The following GNA11 variants were observed in gnomAD, a reference collection of about 807,000 sequenced individuals.
The protein encoded by GNA11 is guanine nucleotide-binding protein subunit alpha-11.
A neutral mutation model predicts 38.2 loss-of-function variants in GNA11; 8 were observed. That is an observed-to-expected ratio of 0.21 (90% CI 0.12 to 0.38). GNA11 has a LOEUF of 0.38. Ranked by LOEUF, GNA11 falls within the 10% of genes least tolerant of loss-of-function variation. GNA11 has a pLI of 1.00. For missense variants in GNA11, 268 were observed against 516.3 expected (o/e 0.52, Z 4.66); for synonymous variants, 211 against 221.4 (o/e 0.95, Z 0.42).
intron 1 of GNA11, among the ~76,000 whole-genome samples, chr19:3,101,744 G>A (rs181419309): frequency 3.9e-5 from 6 of 152,320 alleles, no homozygotes; most frequent in East Asian, 1.9e-4. Context: ...CCAGGCTGTC[G>A]GGGGGCTTCA....
chr19:3,095,160 T>C (rs936312119), intron 1 of GNA11, among the ~76,000 whole-genome samples: 2 of 152,078 alleles, frequency 1.3e-5, no homozygotes. Context: ...GCCCCTGCCT[T>C]AACTGTTCAT....
In GNA11 at chr19:3,098,294, GCGC is replaced by G. The variant is rs1236261929; in HGVS notation, c.136+3515_136+3517del. 9.8e-5 allele frequency among the ~76,000 whole-genome samples: 15 copies of G among 152,342 alleles called. No homozygotes were observed. The East Asian group carries it at 2.9e-3, about 29-fold the overall frequency. On this transcript the variant is annotated intron_variant, in intron 1 of 6. Coordinates refer to ENST00000078429, the MANE Select transcript of GNA11 (RefSeq NM_002067.5). The stretch of plus-strand genomic sequence containing the variant: ...GCACACGCTGCTCCCGCCTCCGTCC[GCGC>G]CGCCGCCATCCTGGGGTCCGCCCTG...
rs959709172 is a variant in GNA11, at chr19:3,123,367, G to A, written c.*2188G>A. ...GCCTGATCCCCTGCCCCCCAAAAAA[G>A]CAGAGGTAGGTGTTGCAGGCCCAGG... On this transcript the variant is annotated 3_prime_UTR_variant, in exon 7 of 7. Transcript: ENST00000078429. 73 of 233,482 alleles carry A rather than the reference G, an allele frequency of 3.1e-4. 1 individual carries two copies. Among genetic ancestry groups the A allele is most frequent in the African/African-American group, 1.5e-3 (66 of 45,476 alleles). 14.5% of individuals were successfully genotyped at this position (233,482 alleles called of 1,614,324 possible). A position where few individuals can be genotyped will look rare whatever the true frequency, so the allele number is the denominator to read the frequency against.
intron 1 of GNA11, among the ~76,000 whole-genome samples, chr19:3,105,852 C>T (rs548174204): frequency 5.3e-5 from 8 of 152,160 alleles, no homozygotes; most frequent in East Asian, 1.9e-4. Flanking sequence ...GCTTGGTGTG[C>T]GGTGAGGAGT....
rs766787225 is a variant in GNA11, at chr19:3,114,932, G to A, written c.477-12G>A. On this transcript the variant is annotated splice_polypyrimidine_tract_variant and intron_variant, in intron 3 of 6. Coordinates refer to ENST00000078429, the MANE Select transcript of GNA11 (RefSeq NM_002067.5). ...CCGGCAGCCGGCCTGAGCACCCACC[G>A]CTGTGTTGCAGCTACCTGACCGACG... The A allele has an allele frequency of 2.6e-5, 41 of 1,595,608 alleles. No homozygotes were observed. Among genetic ancestry groups the A allele is most frequent in the Non-Finnish European group, 3.3e-5 (39 of 1,171,572 alleles).
chr19:3,107,319 G>A (rs760233677), intron 1 of GNA11, among the ~76,000 whole-genome samples: 10 of 152,104 alleles, frequency 6.6e-5, no homozygotes, highest in African/African-American at 2.4e-4. Context: ...ACTCCTTCTC[G>A]GCCGTCTTGG....
rs1913567870 is a variant in GNA11, at chr19:3,103,804, GC to G, written c.137-6343del. ...CCACAAGCTCCGCCTCCTGATTCACGCCATTCTCCTGCCTCAGCTTTCAGGC... is the reference window on the plus strand; with the variant it reads ...CCACAAGCTCCGCCTCCTGATTCACGCATTCTCCTGCCTCAGCTTTCAGGC... On this transcript the variant is annotated intron_variant, in intron 1 of 6. Coordinates refer to ENST00000078429, the MANE Select transcript of GNA11 (RefSeq NM_002067.5). 2.6e-5 allele frequency among the ~76,000 whole-genome samples: 4 copies of G among 151,466 alleles called. No homozygotes were observed. In the South Asian group the frequency reaches 8.3e-4, roughly 31 times the overall value.
intron 2 of GNA11, among the ~76,000 whole-genome samples, chr19:3,112,678 C>T (rs1044643733): frequency 2.6e-5 from 4 of 152,246 alleles, no homozygotes; most frequent in Admixed American, 6.5e-5. Flanking sequence ...GAGGGGGAGG[C>T]GGCTCGTGTT....
intron 1 of GNA11, among the ~76,000 whole-genome samples, chr19:3,106,071 C>T (rs1269663503): frequency 6.6e-6 from 1 of 152,134 alleles, no homozygotes; most frequent in East Asian, 1.9e-4. Flanking sequence ...AGATGTCTTT[C>T]AGGTGGAGTG....
At position 3,120,572 on chromosome 19, in the gene GNA11, GGTGGGGGCC is replaced by G. The variant is rs1914044577; in HGVS notation, c.890-416_890-408del. 6.6e-6 allele frequency among the ~76,000 whole-genome samples: 1 copy of G among 152,166 alleles called. No homozygotes were observed. The highest frequency in any genetic ancestry group is 2.4e-5 in the African/African-American group (1 of 41,436). On this transcript the variant is annotated intron_variant, in intron 6 of 6. Coordinates refer to ENST00000078429, the MANE Select transcript of GNA11 (RefSeq NM_002067.5). The surrounding 1 kb of genome is among the most constrained non-coding windows in gnomAD (Gnocchi z 5.9). The stretch of plus-strand genomic sequence containing the variant: ...GGCTGCAGCAGGGGCACCGTGGGTG[GGTGGGGGCC>G]ACTGTTCCTGCTCTGTAGGCTCTGT...
Position 3,119,163 on chromosome 19 carries a change from T to C in GNA11, c.736-43T>C. 6.2e-7 allele frequency: 1 copy of C among 1,607,594 alleles called. No homozygotes were observed. Among genetic ancestry groups the C allele is most frequent in the Non-Finnish European group, 8.5e-7 (1 of 1,175,374 alleles). On this transcript the variant is annotated intron_variant, in intron 5 of 6. Transcript: ENST00000078429. The surrounding 1 kb of genome is among the most constrained non-coding windows in gnomAD (Gnocchi z 4.6). ...CAGCTGCCCCTTGGGCTGTGTGCAG[T>C]GGGGAGGGCCCCTCTGATTCCCTCT... is the stretch of plus-strand genomic sequence containing the variant.
chr19:3,118,773 CGTCCTTGCCCGTTCTAAGAGT>C, intron 4 of GNA11, 130 bp from the exon 5 acceptor site: 1 of 695,082 alleles, frequency 1.4e-6, no homozygotes, highest in Non-Finnish European at 2.4e-6. Flanking sequence ...TCTCTGAGAG[CGTCCTTGCCCGTTCTAAGAGT>C]GGGGGCTCTT....
At chr19:3,097,698 A>T (rs1913407277) in intron 1 of GNA11, among the ~76,000 whole-genome samples, 1 of 152,194 alleles carries the variant, frequency 6.6e-6, no homozygotes, top group Admixed American at 6.5e-5. Flanking sequence ...CTAGAGCTGG[A>T]CGGGGCTCCG....
chr19:3,104,852 C>T (rs866713153), intron 1 of GNA11, among the ~76,000 whole-genome samples: 1 of 152,192 alleles, frequency 6.6e-6, no homozygotes, highest in African/African-American at 2.4e-5. Flanking sequence ...GCTTCCTGAA[C>T]GCCGGGCTCT....
chr19:3,116,791 C>T (rs980094833), intron 4 of GNA11, among the ~76,000 whole-genome samples: 14 of 152,326 alleles, frequency 9.2e-5, no homozygotes, highest in Admixed American at 4.6e-4. Context: ...GAGGGAATGA[C>T]GCCTCCCTGC....
Position 3,119,488 on chromosome 19 carries a change from T to C in GNA11, c.889+129T>C, listed in dbSNP as rs936412827. The C allele has an allele frequency of 2.6e-5, 19 of 743,044 alleles. No individual in the cohort carries two copies. The highest frequency in any genetic ancestry group is 4.1e-5 in the Non-Finnish European group (19 of 465,280). The allele number at this position is 743,044 out of a possible 1,614,324, so 46.0% of individuals were successfully genotyped here. ...AGGGCGTCTGATGGGAGGTGTCATG[T>C]ATGGGAGTGGAGTCTCAGGGAAGGG... is the stretch of plus-strand genomic sequence containing the variant. On this transcript the variant is annotated intron_variant, in intron 6 of 6. Transcript: ENST00000078429. The surrounding 1 kb of genome is among the most constrained non-coding windows in gnomAD (Gnocchi z 4.6).
At chr19:3,111,213 G>T (rs1913767121) in intron 2 of GNA11, among the ~76,000 whole-genome samples, 2 of 152,024 alleles carry the variant, frequency 1.3e-5, no homozygotes, top group South Asian at 2.1e-4. Context: ...TGCTTAAAGT[G>T]TATAATTTGG....
intron 3 of GNA11, 28 bp from the exon 4 acceptor site, chr19:3,114,916 G>A (rs1181260860): frequency 4.4e-6 from 7 of 1,573,672 alleles, no homozygotes; most frequent in Middle Eastern, 3.4e-4. Context: ...CCCGGCAGCC[G>A]GCCTGAGCAC....
chr19:3,123,587 G>A lies in GNA11; in HGVS notation c.*2408G>A, dbSNP rs759462633. 5.1e-4 allele frequency: 119 copies of A among 233,056 alleles called. No individual in the cohort carries two copies. The highest frequency in any genetic ancestry group is 8.2e-4 in the Non-Finnish European group (97 of 117,918). The allele number at this position is 233,056 out of a possible 1,614,324, so 14.4% of individuals were successfully genotyped here. On this transcript the variant is annotated 3_prime_UTR_variant, in exon 7 of 7. Transcript: ENST00000078429. ...CGACCACCTTCTCCGACCATGTTAC[G>A]CCCGGGCGGCAGCAGCCCCCGGCCA...
Sources: gnomAD v4.1 joint callset for allele counts (sites outside exome capture counted in the v4.1 genomes callset) on GRCh38, gnomAD v4.1.1 for gene constraint, Gnocchi (gnomAD v3.1) non-coding constraint, MANE v1.5 for transcripts, NCBI Gene and HGNC (gene_info 2026-07-23, HGNC 2026-07-21) for gene names.